Variants in HS2ST1 observed in about 807,000 individuals in gnomAD.
The protein encoded by HS2ST1 is heparan sulfate 2-O-sulfotransferase 1.
HS2ST1 carries 18 observed loss-of-function variants against 42.9 expected under a neutral mutation model. The observed-to-expected ratio is 0.42, with a 90% CI of 0.29 to 0.62. HS2ST1 has a LOEUF of 0.62. HS2ST1 is among the 20% of genes least tolerant of loss of function. The pLI, the probability that HS2ST1 is intolerant of heterozygous loss-of-function variation, is 0.21. For missense variants in HS2ST1, 334 were observed against 433.8 expected, an observed-to-expected ratio of 0.77 and a Z score of 2.04; for synonymous variants, 146 against 152.9, an observed-to-expected ratio of 0.95 and a Z score of 0.33.
intron 1 of HS2ST1, among the ~76,000 whole-genome samples, chr1:86,946,048 G>A (rs1030258908): frequency 2.0e-5 from 3 of 152,168 alleles, no homozygotes; most frequent in African/African-American, 4.8e-5. Flanking sequence ...AGGTCTGGGC[G>A]AAATAAACAT....
chr1:86,915,034 T>G lies in HS2ST1; in HGVS notation c.-3T>G. On this transcript the variant is annotated 5_prime_UTR_variant, in exon 1 of 7. Coordinates refer to ENST00000370550, the MANE Select transcript of HS2ST1 (RefSeq NM_012262.4). Reference sequence around the variant, plus strand: ...TATGTCTTGATCCCGAGCAGCGGGTTTCATGGGGCTCCTCAGGATTATGAT... The same window carrying G: ...TATGTCTTGATCCCGAGCAGCGGGTGTCATGGGGCTCCTCAGGATTATGAT... The G allele has an allele frequency of 6.2e-7, 1 of 1,614,068 alleles. No homozygotes were observed. The highest frequency in any genetic ancestry group is 1.3e-5 in the African/African-American group (1 of 75,034).
Position 87,010,428 on chromosome 1 carries a change from G to A in HS2ST1, c.125-62506G>A, listed in dbSNP as rs554940212. ...ATGTAGAGAGATTAGTTTACAAAACGTATTATGTCATTTATATCCATACTG... is the reference window on the plus strand; with the variant it reads ...ATGTAGAGAGATTAGTTTACAAAACATATTATGTCATTTATATCCATACTG... On this transcript the variant is annotated intron_variant, in intron 1 of 6. Coordinates refer to ENST00000370550, the MANE Select transcript of HS2ST1 (RefSeq NM_012262.4). Among the ~76,000 whole-genome samples the A allele has an allele frequency of 4.6e-5, 7 of 152,036 alleles. No individual in the cohort carries two copies. In the South Asian group the frequency reaches 6.2e-4, roughly 14 times the overall value.
At position 87,073,081 on chromosome 1, in the gene HS2ST1, A is replaced by G; in HGVS notation, c.272A>G (p.Asn91Ser). Residue 91 changes from asparagine to serine, a missense_variant, in exon 2 of 7, where the codon AAT becomes AGT. Coordinates refer to ENST00000370550, the MANE Select transcript of HS2ST1 (RefSeq NM_012262.4). ...AAAACGGCAAGCACTTCATTTACCA[A>G]TATCGCCTATGACCTGTGTGCAAAG... ...VPKTASTSFT[N>S]IAYDLCAKNK... 2 of 1,614,084 alleles carry G rather than the reference A, an allele frequency of 1.2e-6. No individual in the cohort carries two copies. The highest frequency in any genetic ancestry group is 2.2e-5 in the East Asian group (1 of 44,874).
intron 1 of HS2ST1, among the ~76,000 whole-genome samples, chr1:87,062,425 A>T (rs1264981388): frequency 6.6e-6 from 1 of 152,050 alleles, no homozygotes; most frequent in Non-Finnish European, 1.5e-5. Flanking sequence ...TTACCAATTC[A>T]GGTGAAGTAT....
intron 1 of HS2ST1, among the ~76,000 whole-genome samples, chr1:86,935,454 CCTTT>C (rs1660625978): frequency 7.6e-6 from 1 of 132,412 alleles, no homozygotes; most frequent in East Asian, 2.0e-4. Flanking sequence ...TTCTTTTTCT[CCTTT>C]TTTTTTTTTT....
intron 1 of HS2ST1, among the ~76,000 whole-genome samples, chr1:87,024,330 C>T (rs561383363): frequency 6.6e-5 from 10 of 151,938 alleles, no homozygotes; most frequent in Non-Finnish European, 7.4e-5. Flanking sequence ...GTGAAACCCC[C>T]GTCTCTACTA....
chr1:87,026,517 A>G (rs1392014634), intron 1 of HS2ST1, among the ~76,000 whole-genome samples: 1 of 152,220 alleles, frequency 6.6e-6, no homozygotes, highest in Non-Finnish European at 1.5e-5. Context: ...AAATTATTCA[A>G]CATTTATACT....
At chr1:87,103,865 CTG>C (rs1652272250) in intron 6 of HS2ST1, among the ~76,000 whole-genome samples, 1 of 152,254 alleles carries the variant, frequency 6.6e-6, no homozygotes, top group South Asian at 2.1e-4. Flanking sequence ...AACATTAGGC[CTG>C]TGTATAAGTC....
chr1:86,966,046 G>T (rs191930614), intron 1 of HS2ST1, among the ~76,000 whole-genome samples: 1 of 152,156 alleles, frequency 6.6e-6, no homozygotes, highest in Admixed American at 6.5e-5. Context: ...AGATACTAGC[G>T]GAAGATTGGA....
intron 1 of HS2ST1, among the ~76,000 whole-genome samples, chr1:87,006,748 A>G (rs1167218193): frequency 1.3e-5 from 2 of 150,106 alleles, no homozygotes; most frequent in Admixed American, 1.3e-4. Flanking sequence ...TTCTCATAAT[A>G]TAAACATGCT....
chr1:86,940,441 A>G (rs1255051327), intron 1 of HS2ST1, among the ~76,000 whole-genome samples: 1 of 152,142 alleles, frequency 6.6e-6, no homozygotes, highest in African/African-American at 2.4e-5. Flanking sequence ...AAAAAGATTC[A>G]TCATTTGAAT....
At chr1:87,034,200 A>G (rs1192034735) in intron 1 of HS2ST1, among the ~76,000 whole-genome samples, 1 of 152,232 alleles carries the variant, frequency 6.6e-6, no homozygotes, top group Non-Finnish European at 1.5e-5. Flanking sequence ...CCAGTGAGGA[A>G]GGTCACAGTA....
chr1:86,967,317 G>A (rs1355467474), intron 1 of HS2ST1, among the ~76,000 whole-genome samples: 6 of 152,144 alleles, frequency 3.9e-5, no homozygotes, highest in African/African-American at 2.4e-5. Context: ...AATTTCAAGA[G>A]CTTTTGGGGT....
At chr1:86,992,609 G>A (rs1383007883) in intron 1 of HS2ST1, among the ~76,000 whole-genome samples, 6 of 152,122 alleles carry the variant, frequency 3.9e-5, no homozygotes, top group African/African-American at 7.2e-5. Context: ...TGATCTGCAC[G>A]CCTCGGCCTC....
At chr1:86,949,451 T>A (rs553637118) in intron 1 of HS2ST1, among the ~76,000 whole-genome samples, 8 of 152,158 alleles carry the variant, frequency 5.3e-5, no homozygotes, top group Non-Finnish European at 1.2e-4. Flanking sequence ...TGGCCATACA[T>A]CTCTACAGAA....
intron 4 of HS2ST1, among the ~76,000 whole-genome samples, chr1:87,094,343 A>C (rs1470561082): frequency 6.6e-6 from 1 of 152,114 alleles, no homozygotes; most frequent in East Asian, 1.9e-4. Context: ...ATAACTAATA[A>C]TAATTATTAA....
At chr1:87,024,871 T>C (rs909589056) in intron 1 of HS2ST1, among the ~76,000 whole-genome samples, 1 of 152,242 alleles carries the variant, frequency 6.6e-6, no homozygotes, top group Non-Finnish European at 1.5e-5. Flanking sequence ...TCAATTGTAT[T>C]ATACCAAAAA....
In HS2ST1 at chr1:86,914,711, C is replaced by T. The variant is rs998407025; in HGVS notation, c.-326C>T. 3.1e-6 allele frequency: 1 copy of T among 320,450 alleles called. No individual in the cohort carries two copies. The highest frequency in any genetic ancestry group is 5.8e-6 in the Non-Finnish European group (1 of 172,028). 19.9% of individuals were successfully genotyped at this position (320,450 alleles called of 1,614,324 possible). On this transcript the variant is annotated 5_prime_UTR_variant, in exon 1 of 7. Transcript: ENST00000370550. ...GAAGGAAGGAAGAGAGGGAGGCGGG[C>T]AAGCAGGCGGGCGCGGGGGTCGGGG...
At chr1:86,953,312 G>A (rs556887075) in intron 1 of HS2ST1, among the ~76,000 whole-genome samples, 139 of 152,234 alleles carry the variant, frequency 9.1e-4, no homozygotes, top group Non-Finnish European at 1.5e-3. Context: ...CCATTTCAGC[G>A]ATAAGGCAGT....
Sources: gnomAD v4.1 joint callset for allele counts (sites outside exome capture counted in the v4.1 genomes callset) on GRCh38, gnomAD v4.1.1 for gene constraint, MANE v1.5 for transcripts, NCBI Gene and HGNC (gene_info 2026-07-23, HGNC 2026-07-21) for gene names.